The following ANK2 variants were observed in gnomAD, a reference collection of about 807,000 sequenced individuals.
ANK2 encodes ankyrin 2, also known as ankyrin-2.
ANK2 carries 83 observed loss-of-function variants against 360.5 expected under a neutral mutation model. The observed-to-expected ratio is 0.23, with a 90% CI of 0.19 to 0.28. The LOEUF (loss-of-function observed/expected upper bound fraction) is 0.28. ANK2 is among the 10% of genes least tolerant of loss of function. The probability of loss-of-function intolerance (pLI) is 1.00; values close to 1 mark genes in which losing one functional copy is unlikely to be tolerated. For missense variants in ANK2, 4,201 were observed against 4,795.7 expected (o/e 0.88, Z 3.66); for synonymous variants, 1,740 against 1,759.5 (o/e 0.99, Z 0.28).
intron 1 of ANK2, chr4:113,151,107 G>A (rs1419809451): frequency 5.4e-6 from 7 of 1,288,894 alleles, no homozygotes; most frequent in South Asian, 2.5e-5. Flanking sequence ...GAAACCAGAG[G>A]CCGCCAACAT....
At position 113,341,732 on chromosome 4, in the gene ANK2, T is replaced by C; in HGVS notation, c.3938T>C (p.Phe1313Ser). The change falls in exon 33 of 46, where the codon TTT (phenylalanine) becomes TCT (serine). Residue 1313 changes from phenylalanine to serine, a missense_variant. Physicochemically the swap from Phe to Ser is radical, Grantham distance 155 (BLOSUM62 -2). This residue lies in a region of ANK2 where 1,268 missense variants were observed against 1,650.8 expected (regional missense o/e 0.77). Coordinates refer to ENST00000357077, the MANE Select transcript of ANK2 (RefSeq NM_001148.6). ...CGACAGATCCAGGAATCCGTTACTT[T>C]TGCATCACAAGTATACAGAGAAATT... is the stretch of plus-strand genomic sequence containing the variant. ...DCRQIQESVT[F>S]ASQVYREIIC... 4 of 1,614,172 alleles carry C rather than the reference T, an allele frequency of 2.5e-6. No individual in the cohort carries two copies. In the South Asian group the frequency reaches 3.3e-5, roughly 13 times the overall value.
intron 1 of ANK2, among the ~76,000 whole-genome samples, chr4:113,098,004 T>G (rs1437608116): frequency 1.3e-5 from 2 of 151,300 alleles, no homozygotes; most frequent in African/African-American, 4.8e-5. Flanking sequence ...GGTTTATAAA[T>G]GCTATTCATG....
the ANK2 span, among the ~76,000 whole-genome samples, chr4:112,725,461 C>T: frequency 6.9e-6 from 1 of 145,252 alleles, no homozygotes; most frequent in African/African-American, 2.5e-5. Context: ...CCCGGGTTCA[C>T]GCGATTCTCC....
intron 1 of ANK2, among the ~76,000 whole-genome samples, chr4:113,055,009 C>G (rs1346711251): frequency 1.3e-5 from 2 of 152,168 alleles, no homozygotes; most frequent in Non-Finnish European, 2.9e-5. Flanking sequence ...TAATTCACTT[C>G]TTAGGACCCA....
intron 11 of ANK2, among the ~76,000 whole-genome samples, chr4:113,256,291 G>A (rs1452126961): frequency 2.6e-5 from 4 of 152,174 alleles, no homozygotes; most frequent in African/African-American, 7.2e-5. Flanking sequence ...TAGAACACGA[G>A]TATGAAAAGT....
At chr4:113,261,571 TA>T (rs757713289) in intron 13 of ANK2, among the ~76,000 whole-genome samples, 69 of 152,190 alleles carry the variant, frequency 4.5e-4, no homozygotes, top group Admixed American at 5.9e-4. Context: ...TATTTATTCT[TA>T]TATATAAACA....
rs2096975803 is a variant in ANK2, at chr4:113,377,150, G to A, written c.11859+3701G>A. 2.0e-5 allele frequency among the ~76,000 whole-genome samples: 3 copies of A among 152,110 alleles called. No individual in the cohort carries two copies. The South Asian group carries it at 6.2e-4, about 32-fold the overall frequency. ...TATGTATTTACTATACATAGTAAAT[G>A]TATTTACCGTACATAAACCAGTAAC... On this transcript the variant is annotated intron_variant, in intron 45 of 45. Transcript: ENST00000357077.
intron 4 of ANK2, among the ~76,000 whole-genome samples, chr4:113,208,372 T>C (rs1404259624): frequency 2.0e-5 from 3 of 151,980 alleles, no homozygotes; most frequent in Non-Finnish European, 4.4e-5. Flanking sequence ...TTCAGAGCAC[T>C]TGATGATGAT....
intron 1 of ANK2, among the ~76,000 whole-genome samples, chr4:113,058,032 C>T (rs1208561860): frequency 6.6e-6 from 1 of 152,126 alleles, no homozygotes; most frequent in Non-Finnish European, 1.5e-5. Flanking sequence ...ACTTTCCCCT[C>T]CTTTCCATTT....
intron 1 of ANK2, among the ~76,000 whole-genome samples, chr4:113,067,796 G>T (rs1018403677): frequency 6.6e-6 from 1 of 152,150 alleles, no homozygotes; most frequent in African/African-American, 2.4e-5. Context: ...TTCTTCTTAG[G>T]TTGCACTTTA....
rs1325995438 is a variant in ANK2, at chr4:113,274,315, GT to G, written c.1486-135del. ...GTAGCAAAATATAAAATATGCCATG[GT>G]TAAAGCAGTAATGATTTTCTTTTGG... On this transcript the variant is annotated intron_variant, in intron 14 of 45. Coordinates refer to ENST00000357077, the MANE Select transcript of ANK2 (RefSeq NM_001148.6). The G allele has an allele frequency of 1.0e-4, 97 of 965,144 alleles. No homozygotes were observed. The African/African-American group carries it at 1.5e-3, about 15-fold the overall frequency. 59.8% of individuals were successfully genotyped at this position (965,144 alleles called of 1,614,324 possible). A position where few individuals can be genotyped will look rare whatever the true frequency, so the allele number is the denominator to read the frequency against.
chr4:113,234,733 G>T (rs538473461), intron 5 of ANK2, among the ~76,000 whole-genome samples: 7 of 152,240 alleles, frequency 4.6e-5, no homozygotes, highest in African/African-American at 1.4e-4. Context: ...TCACTTTAAA[G>T]TTCAATAATT....
intron 22 of ANK2, among the ~76,000 whole-genome samples, chr4:113,301,641 C>G (rs1164002821): frequency 6.6e-6 from 1 of 152,150 alleles, no homozygotes; most frequent in Non-Finnish European, 1.5e-5. Context: ...GCTCCTCCCC[C>G]TTCCTTCTCC....
chr4:113,355,166 T>A lies in ANK2; in HGVS notation c.6548T>A (p.Met2183Lys). 1.2e-6 allele frequency: 2 copies of A among 1,614,096 alleles called. No homozygotes were observed. The highest frequency in any genetic ancestry group is 2.2e-5 in the East Asian group (1 of 44,866). Residue 2183 changes from methionine to lysine, a missense_variant, in exon 38 of 46, where the codon ATG (methionine) becomes AAG (lysine). This residue lies in a region of ANK2 where 2,642 missense variants were observed against 2,714.5 expected (regional missense o/e 0.97). Transcript: ENST00000357077. Reference sequence around the variant, plus strand: ...AACACAACATTTCCACTCGACTACATGAAAGATGAGTTCCTTCCAGCTCTG... The same window carrying A: ...AACACAACATTTCCACTCGACTACAAGAAAGATGAGTTCCTTCCAGCTCTG... ...PFNTTFPLDY[M>K]KDEFLPALSL...
At chr4:113,229,268 T>C (rs2099263218) in intron 4 of ANK2, among the ~76,000 whole-genome samples, 1 of 152,190 alleles carries the variant, frequency 6.6e-6, no homozygotes, top group African/African-American at 2.4e-5. Context: ...TTCCGGAGGC[T>C]CTAGGTGAGA....
At chr4:113,371,138 A>G (rs2096724384) in intron 43 of ANK2, among the ~76,000 whole-genome samples, 1 of 152,180 alleles carries the variant, frequency 6.6e-6, no homozygotes, top group African/African-American at 2.4e-5. Context: ...AAATAATTGA[A>G]ATTTTGGGGG....
intron 1 of ANK2, among the ~76,000 whole-genome samples, chr4:113,111,285 T>C (rs1480944716): frequency 1.3e-5 from 2 of 152,206 alleles, no homozygotes; most frequent in Admixed American, 6.5e-5. Flanking sequence ...TGTATAAATG[T>C]AAAACTTACA....
At chr4:112,993,363 C>T (rs1163107435) in intron 2 of ANK2, among the ~76,000 whole-genome samples, 5 of 151,988 alleles carry the variant, frequency 3.3e-5, no homozygotes, top group South Asian at 2.1e-4. Context: ...AGTGCAGTGG[C>T]GCGATCTTGG....
At chr4:112,877,395 C>T (rs1236073997) in intron 1 of ANK2, among the ~76,000 whole-genome samples, 1 of 152,160 alleles carries the variant, frequency 6.6e-6, no homozygotes, top group Non-Finnish European at 1.5e-5. Context: ...TGTCATCCAG[C>T]CTAGAGTGCT....
Sources: gnomAD v4.1 joint callset for allele counts (sites outside exome capture counted in the v4.1 genomes callset) on GRCh38, gnomAD v4.1.1 for gene constraint, gnomAD v4.1.1 regional missense constraint, MANE v1.5 for transcripts, NCBI Gene and HGNC (gene_info 2026-07-23, HGNC 2026-07-21) for gene names.